PIK3R3: variants seen among roughly 807,000 people sequenced by gnomAD.
PIK3R3 encodes phosphatidylinositol 3-kinase regulatory subunit gamma.
PIK3R3 carries 64 observed loss-of-function variants against 62.9 expected under a neutral mutation model. The observed-to-expected ratio is 1.02, with a 90% CI of 0.83 to 1.25. The LOEUF is 1.25. Ranked by LOEUF, PIK3R3 falls within the 50% of genes most tolerant of loss-of-function variation. PIK3R3 has a pLI of 0.00. For missense variants in PIK3R3, 614 were observed against 561.6 expected (o/e 1.09, Z -0.94); for synonymous variants, 165 against 189.0 (o/e 0.87, Z 1.04).
rs547136453 is a variant in PIK3R3 at position 46,068,950 on chromosome 1, A to C, written c.315-1859T>G. Reference sequence around the variant, plus strand: ...CTGCTGAGTTGAGAAAAGACTGTTCAAAGGAGGCAGCAGTAGAAGTGGAAA... The same window carrying C: ...CTGCTGAGTTGAGAAAAGACTGTTCCAAGGAGGCAGCAGTAGAAGTGGAAA... On this transcript the variant is annotated intron_variant, in intron 3 of 9. Transcript: ENST00000262741. Among the ~76,000 whole-genome samples, 4 of 152,336 alleles carry C rather than the reference A, an allele frequency of 2.6e-5. No individual in the cohort carries two copies. In the East Asian group the frequency reaches 7.7e-4, roughly 29 times the overall value.
At chr1:46,079,282 T>A (rs1272572535) in intron 2 of PIK3R3, among the ~76,000 whole-genome samples, 1 of 151,960 alleles carries the variant, frequency 6.6e-6, no homozygotes, top group African/African-American at 2.4e-5. Context: ...AAGAAAAAAA[T>A]TTAGTAAGAA....
intron 1 of PIK3R3, among the ~76,000 whole-genome samples, chr1:46,111,075 A>T (rs995578510): frequency 6.6e-6 from 1 of 152,048 alleles, no homozygotes; most frequent in Non-Finnish European, 1.5e-5. Context: ...AGCTCTACAC[A>T]TTTCCCTATT....
intron 1 of PIK3R3, among the ~76,000 whole-genome samples, chr1:46,122,206 T>C (rs1224852504): frequency 6.6e-6 from 1 of 152,152 alleles, no homozygotes; most frequent in East Asian, 1.9e-4. Flanking sequence ...GGGCAAGCAA[T>C]GTGGAAATTG....
chr1:46,070,571 G>A (rs1158065935), intron 3 of PIK3R3, among the ~76,000 whole-genome samples: 1 of 152,174 alleles, frequency 6.6e-6, no homozygotes, highest in African/African-American at 2.4e-5. Context: ...GTTAAGCTGG[G>A]CAGTTTTAAA....
intron 6 of PIK3R3, chr1:46,056,418 T>C (rs1439459262): frequency 6.5e-6 from 1 of 153,596 alleles, no homozygotes; most frequent in Non-Finnish European, 1.4e-5. Context: ...CCATTTCTGG[T>C]ATTAGCACCC....
Position 46,041,901 on chromosome 1 carries a change from T to C in PIK3R3, c.*1772A>G, listed in dbSNP as rs1647003983. 4.6e-6 allele frequency: 1 copy of C among 215,706 alleles called. No individual in the cohort carries two copies. The highest frequency in any genetic ancestry group is 2.3e-5 in the African/African-American group (1 of 44,350). The allele number at this position is 215,706 out of a possible 1,614,324, so 13.4% of individuals were successfully genotyped here. A position where few individuals can be genotyped will look rare whatever the true frequency, so the allele number is the denominator to read the frequency against. ...AGGTTTTTCCAAAATTAAAAATCTG[T>C]GTCTACATCATGGTCCATATTTTAG... is the stretch of plus-strand genomic sequence containing the variant. On this transcript the variant is annotated 3_prime_UTR_variant, in exon 10 of 10. Transcript: ENST00000262741.
the PIK3R3 span, among the ~76,000 whole-genome samples, chr1:46,158,672 G>A: frequency 6.6e-6 from 1 of 152,212 alleles, no homozygotes; most frequent in Non-Finnish European, 1.5e-5. Context: ...ACAAACTGCA[G>A]AAGAAAGATA....
the PIK3R3 span, among the ~76,000 whole-genome samples, chr1:46,165,751 C>CT: frequency 6.9e-3 from 274 of 39,544 alleles, 113 homozygotes; most frequent in Non-Finnish European, 9.7e-3. Flanking sequence ...CTGCTTTGTC[C>CT]TTTTTTTTTT....
the PIK3R3 span, among the ~76,000 whole-genome samples, chr1:46,144,934 A>C: frequency 6.6e-6 from 1 of 151,698 alleles, no homozygotes; most frequent in Non-Finnish European, 1.5e-5. Flanking sequence ...GACCAACTTG[A>C]CCAACATGGA....
the PIK3R3 span, among the ~76,000 whole-genome samples, chr1:46,160,263 A>G: frequency 6.6e-6 from 1 of 152,224 alleles, no homozygotes; most frequent in Non-Finnish European, 1.5e-5. Flanking sequence ...CTTGGATTTA[A>G]GCAAGCAAAG....
intron 2 of PIK3R3, among the ~76,000 whole-genome samples, 162 bp downstream of exon 2, chr1:46,080,480 C>G (rs1009660274): frequency 1.3e-5 from 2 of 152,058 alleles, no homozygotes; most frequent in Non-Finnish European, 2.9e-5. Flanking sequence ...TCTACAGCCT[C>G]GAACTCCTGG....
intron 5 of PIK3R3, among the ~76,000 whole-genome samples, chr1:46,062,597 A>G (rs1228930142): frequency 1.3e-5 from 2 of 152,216 alleles, no homozygotes; most frequent in Non-Finnish European, 2.9e-5. Flanking sequence ...AGGCATCTGA[A>G]TCACAATTCC....
intron 1 of PIK3R3, 146 bp downstream of exon 1, chr1:46,131,701 G>T: frequency 1.8e-6 from 1 of 564,668 alleles, no homozygotes; most frequent in Non-Finnish European, 3.1e-6. Flanking sequence ...TAAACCAGAA[G>T]CAGTTTTACC....
chr1:46,088,980 G>A (rs1250804018), intron 1 of PIK3R3, among the ~76,000 whole-genome samples: 1 of 151,938 alleles, frequency 6.6e-6, no homozygotes, highest in Non-Finnish European at 1.5e-5. Context: ...CAAATCTGAG[G>A]GAAAATGATT....
chr1:46,096,665 G>C (rs1425510942), intron 1 of PIK3R3, among the ~76,000 whole-genome samples: 1 of 152,042 alleles, frequency 6.6e-6, no homozygotes, highest in Non-Finnish European at 1.5e-5. Context: ...TAGGGAGACG[G>C]GCAGGCCGAT....
intron 2 of PIK3R3, among the ~76,000 whole-genome samples, chr1:46,078,553 T>A (rs896327527): frequency 1.2e-4 from 18 of 151,468 alleles, no homozygotes; most frequent in East Asian, 1.2e-3. Context: ...AAAAAAAAAT[T>A]TTTTTAATAA....
chr1:46,127,323 C>T (rs1050550992), intron 1 of PIK3R3, among the ~76,000 whole-genome samples: 1 of 123,612 alleles, frequency 8.1e-6, no homozygotes, highest in Non-Finnish European at 1.6e-5. Flanking sequence ...GCCTGAGCAA[C>T]AAAGGTGAGA....
intron 3 of PIK3R3, among the ~76,000 whole-genome samples, 162 bp from the exon 4 acceptor site, chr1:46,067,253 C>CATACAT (rs1649091379): frequency 7.7e-6 from 1 of 130,346 alleles, no homozygotes; most frequent in East Asian, 2.3e-4. Context: ...TGTGTGTGAA[C>CATACAT]ATATATATAT....
chr1:46,145,139 AAG>A, the PIK3R3 span, among the ~76,000 whole-genome samples: 180 of 144,002 alleles, frequency 1.2e-3, no homozygotes, highest in Non-Finnish European at 1.7e-3. Flanking sequence ...AAAAAAAAAA[AAG>A]AAGAAGACTG....
Sources: gnomAD v4.1 joint callset for allele counts (sites outside exome capture counted in the v4.1 genomes callset) on GRCh38, gnomAD v4.1.1 for gene constraint, MANE v1.5 for transcripts, NCBI Gene and HGNC (gene_info 2026-07-23, HGNC 2026-07-21) for gene names.